TRIM60: variants seen among roughly 807,000 people sequenced by gnomAD.
The protein encoded by TRIM60 is tripartite motif-containing protein 60.
For missense variants in TRIM60, 524 were observed against 540.8 expected, an observed-to-expected ratio of 0.97 and a Z score of 0.31; for synonymous variants, 189 against 195.2, an observed-to-expected ratio of 0.97 and a Z score of 0.27.
intron 1 of TRIM60, among the ~76,000 whole-genome samples, chr4:165,037,516 G>A (rs1196241647): frequency 6.6e-6 from 1 of 151,796 alleles, no homozygotes; most frequent in Non-Finnish European, 1.5e-5. Flanking sequence ...GTAGAGATGG[G>A]GATTCACCAT....
chr4:165,040,677 T>G lies in TRIM60; in HGVS notation c.605T>G (p.Leu202Arg). The G allele has an allele frequency of 6.2e-7, 1 of 1,613,894 alleles. No homozygotes were observed. The highest frequency in any genetic ancestry group is 8.5e-7 in the Non-Finnish European group (1 of 1,179,946). ...TTACAGAATGAACAAGAGATGATTC[T>G]TAGGCAGATACAAGATGAAGAGATG... ...LFLQNEQEMI[L>R]RQIQDEEMNI... The change falls in exon 3 of 3, where the codon CTT becomes CGT. Residue 202 changes from leucine (L) to arginine (R), a missense_variant. Physicochemically the swap from Leu to Arg is moderately radical, Grantham distance 102 (BLOSUM62 -2). Transcript: ENST00000512596.
Position 165,041,641 on chromosome 4 carries a change from T to C in TRIM60, c.*153T>C, listed in dbSNP as rs1733770908. On this transcript the variant is annotated 3_prime_UTR_variant, in exon 3 of 3. Transcript: ENST00000512596. ...CTATAAGATGTTCATAATGCCACTTTCATATATTCTATGAATATCAATTGT... is the reference window on the plus strand; with the variant it reads ...CTATAAGATGTTCATAATGCCACTTCCATATATTCTATGAATATCAATTGT... 1 of 460,516 alleles carries C rather than the reference T, an allele frequency of 2.2e-6. No homozygotes were observed. The highest frequency in any genetic ancestry group is 7.8e-5 in the South Asian group (1 of 12,878). The allele number at this position is 460,516 out of a possible 1,614,324, so 28.5% of individuals were successfully genotyped here.
In TRIM60 at chr4:165,032,359, C is replaced by A. The variant is rs189584001; in HGVS notation, c.-57+247C>A. 5.9e-5 allele frequency among the ~76,000 whole-genome samples: 9 copies of A among 152,370 alleles called. No individual in the cohort carries two copies. In the East Asian group the frequency reaches 1.5e-3, roughly 26 times the overall value. On this transcript the variant is annotated intron_variant, in intron 1 of 2. Transcript: ENST00000512596. ...CGCCTCCCGGATTCAAGCGATTCTC[C>A]TGTCTCAGCCTCCTGAGTAGCTGGG...
At position 165,041,330 on chromosome 4, in the gene TRIM60, G is replaced by C. The variant is rs1437203565; in HGVS notation, c.1258G>C (p.Asp420His). The C allele has an allele frequency of 6.2e-7, 1 of 1,614,124 alleles. No individual in the cohort carries two copies. The highest frequency in any genetic ancestry group is 1.3e-5 in the African/African-American group (1 of 75,006). ...ACCCAGTAAAATTGGTATTTTTCTG[G>C]ACTATGAATTGGGTGATCTTTCCTT... ...VKPSKIGIFL[D>H]YELGDLSFYN... is the part of the protein sequence containing the mutation. Residue 420 changes from aspartate to histidine, a missense_variant, in exon 3 of 3, where the codon GAC becomes CAC. Asp to His is a moderately conservative substitution (Grantham distance 81). Coordinates refer to ENST00000512596, the MANE Select transcript of TRIM60 (RefSeq NM_152620.3).
At chr4:165,034,898 G>A (rs1005256968) in intron 1 of TRIM60, among the ~76,000 whole-genome samples, 4 of 152,018 alleles carry the variant, frequency 2.6e-5, no homozygotes, top group African/African-American at 9.7e-5. Flanking sequence ...TACATACTAC[G>A]ACAGTTAATG....
chr4:165,041,406 C>G lies in TRIM60; in HGVS notation c.1334C>G (p.Thr445Arg), dbSNP rs761086882. 6.2e-7 allele frequency: 1 copy of G among 1,612,754 alleles called. No homozygotes were observed. Among genetic ancestry groups the G allele is most frequent in the African/African-American group, 1.3e-5 (1 of 74,780 alleles). ...SILYTFNDCF[T>R]EAVWPYFYTG... ...CTCTATACTTTTAACGATTGTTTCACAGAAGCCGTTTGGCCTTATTTCTAT... is the reference window on the plus strand; with the variant it reads ...CTCTATACTTTTAACGATTGTTTCAGAGAAGCCGTTTGGCCTTATTTCTAT... Residue 445 changes from threonine (T) to arginine (R), a missense_variant, in exon 3 of 3, where the codon ACA (threonine) becomes AGA (arginine). Coordinates refer to ENST00000512596, the MANE Select transcript of TRIM60 (RefSeq NM_152620.3).
chr4:165,040,848 A>T lies in TRIM60; in HGVS notation c.776A>T (p.Tyr259Phe). Residue 259 changes from tyrosine to phenylalanine, a missense_variant, in exon 3 of 3, where the codon TAT becomes TTT. Coordinates refer to ENST00000512596, the MANE Select transcript of TRIM60 (RefSeq NM_152620.3). ...CAAGCTAAGAGTATGCACCACAAGTATCAAAACCTAAAATGCCCTGAACTC... is the reference window on the plus strand; with the variant it reads ...CAAGCTAAGAGTATGCACCACAAGTTTCAAAACCTAAAATGCCCTGAACTC... ...LTQAKSMHHK[Y>F]QNLKCPELFS... 7.4e-6 allele frequency: 12 copies of T among 1,613,858 alleles called. No homozygotes were observed. The highest frequency in any genetic ancestry group is 1.0e-5 in the Non-Finnish European group (12 of 1,179,954).
Position 165,040,364 on chromosome 4 carries a change from G to GA in TRIM60, c.297dup (p.His100ThrfsTer11). On this transcript the variant is annotated frameshift_variant, in exon 3 of 3. Transcript: ENST00000512596. LOFTEE classifies it low-confidence loss of function (END_TRUNC). The stretch of plus-strand genomic sequence containing the variant: ...GAGGCAGAAAGAGAATGCCATGTGT[G>GA]AAAAACACAACCAGTTTCTGACCCT... The GA allele has an allele frequency of 6.2e-7, 1 of 1,614,198 alleles. No homozygotes were observed. Among genetic ancestry groups the GA allele is most frequent in the South Asian group, 1.1e-5 (1 of 91,078 alleles).
rs1733717372 is a variant in TRIM60 at position 165,040,081 on chromosome 4, T to G, written c.9T>G (p.Phe3Leu). Residue 3 changes from phenylalanine to leucine, a missense_variant, in exon 3 of 3, where the codon TTT becomes TTG. Physicochemically the swap from Phe to Leu is conservative, Grantham distance 22. Coordinates refer to ENST00000512596, the MANE Select transcript of TRIM60 (RefSeq NM_152620.3). The part of the protein sequence containing the change: ME[F>L]VTALVNLQEE... ...CCTTTGTTCGCAGCTCGATGGAGTTTGTGACAGCCCTGGTGAACCTCCAAG... is the reference window on the plus strand; with the variant it reads ...CCTTTGTTCGCAGCTCGATGGAGTTGGTGACAGCCCTGGTGAACCTCCAAG... 6.2e-7 allele frequency: 1 copy of G among 1,612,040 alleles called. No individual in the cohort carries two copies. The highest frequency in any genetic ancestry group is 8.5e-7 in the Non-Finnish European group (1 of 1,179,754).
chr4:165,034,757 C>T (rs1490710373), intron 1 of TRIM60, among the ~76,000 whole-genome samples: 1 of 151,964 alleles, frequency 6.6e-6, no homozygotes, highest in African/African-American at 2.4e-5. Flanking sequence ...GTAATAATAC[C>T]TTACTGTCCC....
At chr4:165,033,926 C>A (rs1733562257) in intron 1 of TRIM60, among the ~76,000 whole-genome samples, 1 of 152,166 alleles carries the variant, frequency 6.6e-6, no homozygotes, top group African/African-American at 2.4e-5. Flanking sequence ...CCCATAGATG[C>A]TGGGAGACAG....
chr4:165,032,877 T>C (rs1486991593), intron 1 of TRIM60, among the ~76,000 whole-genome samples: 5 of 152,104 alleles, frequency 3.3e-5, no homozygotes, highest in African/African-American at 1.2e-4. Flanking sequence ...GAGCCCACAC[T>C]ATGAACCAGC....
intron 1 of TRIM60, among the ~76,000 whole-genome samples, chr4:165,037,690 C>G (rs1298879610): frequency 6.6e-6 from 1 of 152,062 alleles, no homozygotes; most frequent in South Asian, 2.1e-4. Context: ...ATGTGCCTAG[C>G]TCCTGTTTCA....
rs1560909846 is a variant in TRIM60 at position 165,040,839 on chromosome 4, A to G, written c.767A>G (p.His256Arg). 1.2e-6 allele frequency: 2 copies of G among 1,614,028 alleles called. No homozygotes were observed. The highest frequency in any genetic ancestry group is 1.7e-4 in the Middle Eastern group (1 of 6,060). The stretch of plus-strand genomic sequence containing the variant: ...TTACTGACACAAGCTAAGAGTATGC[A>G]CCACAAGTATCAAAACCTAAAATGC... ...LELLTQAKSMHHKYQNLKCPE... is the reference protein window; with the variant it reads ...LELLTQAKSMRHKYQNLKCPE... Residue 256 changes from histidine to arginine, a missense_variant, in exon 3 of 3, where the codon CAC (histidine) becomes CGC (arginine). Coordinates refer to ENST00000512596, the MANE Select transcript of TRIM60 (RefSeq NM_152620.3).
chr4:165,034,665 T>C (rs918697502), intron 1 of TRIM60, among the ~76,000 whole-genome samples: 1 of 152,174 alleles, frequency 6.6e-6, no homozygotes, highest in Non-Finnish European at 1.5e-5. Flanking sequence ...AAATGTTAAA[T>C]TGGAAGGTGG....
intron 1 of TRIM60, among the ~76,000 whole-genome samples, chr4:165,032,812 T>G (rs181796857): frequency 6.6e-6 from 1 of 152,142 alleles, no homozygotes; most frequent in Non-Finnish European, 1.5e-5. Context: ...TCTAAAGTAA[T>G]AGAGGTTGAA....
At chr4:165,038,704 AC>A (rs1296269302) in intron 1 of TRIM60, among the ~76,000 whole-genome samples, 4 of 151,324 alleles carry the variant, frequency 2.6e-5, no homozygotes, top group Non-Finnish European at 1.5e-5. Flanking sequence ...GCTGTTGAGA[AC>A]CATTTTCGTG....
rs772711694 is a variant in TRIM60, at chr4:165,040,064, C to T, written c.-4-5C>T. The T allele has an allele frequency of 2.5e-5, 40 of 1,608,730 alleles. No homozygotes were observed. The highest frequency in any genetic ancestry group is 8.9e-5 in the South Asian group (8 of 90,352). ...GGTTACCTTATGCATTACCTTTGTT[C>T]GCAGCTCGATGGAGTTTGTGACAGC... On this transcript the variant is annotated splice_region_variant and splice_polypyrimidine_tract_variant and intron_variant, in intron 2 of 2. Transcript: ENST00000512596.
intron 1 of TRIM60, among the ~76,000 whole-genome samples, chr4:165,033,061 G>A (rs1288129415): frequency 6.6e-6 from 1 of 151,966 alleles, no homozygotes; most frequent in Non-Finnish European, 1.5e-5. Flanking sequence ...ATGGTGGGGC[G>A]TGCCTGTGGT....
Sources: allele counts gnomAD v4.1 joint callset (sites outside exome capture counted in the v4.1 genomes callset), GRCh38; gene constraint gnomAD v4.1.1; transcripts MANE v1.5; gene names NCBI Gene and HGNC (gene_info 2026-07-23, HGNC 2026-07-21).